Variants in PLD1 observed in about 807,000 individuals in gnomAD.
PLD1 encodes the protein phospholipase D1, also known as choline phosphatase 1.
In PLD1, 112 loss-of-function variants were observed where a neutral mutation model predicts 137.1. The observed-to-expected ratio is 0.82, with a 90% confidence interval of 0.70 to 0.96. The LOEUF is 0.96. Among genes scored for constraint, PLD1 ranks in the 40% least tolerant of loss-of-function variants. The pLI is 0.00. For synonymous variants in PLD1, 431 were observed against 454.7 expected, an observed-to-expected ratio of 0.95 and a Z score of 0.66; for missense variants, 1,321 against 1,342.0, an observed-to-expected ratio of 0.98 and a Z score of 0.24.
chr3:171,773,809 C>T (rs549365012), intron 1 of PLD1, among the ~76,000 whole-genome samples: 5 of 152,080 alleles, frequency 3.3e-5, no homozygotes, highest in African/African-American at 7.2e-5. Context: ...ACTGCAGTGG[C>T]GCTGTCTCGG....
intron 12 of PLD1, among the ~76,000 whole-genome samples, chr3:171,696,312 G>A (rs1454712818): frequency 6.6e-6 from 1 of 151,894 alleles, no homozygotes; most frequent in African/African-American, 2.4e-5. Flanking sequence ...TCTTTGAGTT[G>A]TGAACAGTCT....
At chr3:171,703,193 C>T (rs552715132) in intron 11 of PLD1, among the ~76,000 whole-genome samples, 10 of 152,172 alleles carry the variant, frequency 6.6e-5, no homozygotes, top group South Asian at 2.1e-4. Flanking sequence ...AAAAAACTTC[C>T]GTAGTGTAAT....
At chr3:171,777,023 A>G (rs969182605) in intron 1 of PLD1, among the ~76,000 whole-genome samples, 1 of 152,144 alleles carries the variant, frequency 6.6e-6, no homozygotes. Context: ...TTTACACAAT[A>G]ATGAGAATGT....
chr3:171,645,097 G>T, intron 21 of PLD1, 74 bp from the exon 22 acceptor site: 2 of 933,190 alleles, frequency 2.1e-6, no homozygotes, highest in Non-Finnish European at 3.6e-6. Context: ...CAGCCAAGCA[G>T]TTCACATGGT....
At chr3:171,613,113 T>C (rs1001984968) in intron 24 of PLD1, among the ~76,000 whole-genome samples, 1 of 152,148 alleles carries the variant, frequency 6.6e-6, no homozygotes, top group African/African-American at 2.4e-5. Context: ...AAATTTGCAG[T>C]GGGCTGTAAC....
rs371426651 is a variant in PLD1, at chr3:171,676,771, C to T, written c.2059G>A (p.Gly687Arg). 9 of 1,614,158 alleles carry T rather than the reference C, an allele frequency of 5.6e-6. No homozygotes were observed. The highest frequency in any genetic ancestry group is 2.7e-5 in the African/African-American group (2 of 75,034). The change falls in exon 18 of 27, where the codon GGG (glycine) becomes AGG (arginine). Residue 687 changes from glycine to arginine, a missense_variant. Transcript: ENST00000351298. ...CGTGCCACATCACGAGCCGCCTTCC[C>T]GTGGACTGCAGAGGCAATGTCATGC... ...PWHDIASAVH[G>R]KAARDVARHF...
intron 12 of PLD1, among the ~76,000 whole-genome samples, chr3:171,695,251 T>A (rs550246369): frequency 6.6e-6 from 1 of 152,326 alleles, no homozygotes; most frequent in East Asian, 1.9e-4. Context: ...TGATGTTAAT[T>A]CTGCAATTTA....
At chr3:171,770,736 A>G (rs1275790457) in intron 1 of PLD1, among the ~76,000 whole-genome samples, 1 of 151,826 alleles carries the variant, frequency 6.6e-6, no homozygotes, top group Non-Finnish European at 1.5e-5. Flanking sequence ...TATAAAAAAA[A>G]AAATTAGCTG....
chr3:171,755,073 C>T (rs1358960308), intron 1 of PLD1, among the ~76,000 whole-genome samples: 6 of 152,118 alleles, frequency 3.9e-5, no homozygotes, highest in African/African-American at 1.4e-4. Context: ...CTTTTGCAGT[C>T]ATCTGGAGAA....
chr3:171,748,332 G>A (rs1416425770), intron 1 of PLD1, among the ~76,000 whole-genome samples: 1 of 152,148 alleles, frequency 6.6e-6, no homozygotes, highest in Non-Finnish European at 1.5e-5. Flanking sequence ...AGTTAATATT[G>A]CTAAAAACTG....
chr3:171,646,468 T>G (rs1289338165), intron 21 of PLD1, among the ~76,000 whole-genome samples: 1 of 152,026 alleles, frequency 6.6e-6, no homozygotes, highest in African/African-American at 2.4e-5. Context: ...AACAATGAAA[T>G]TTGGAGGCCT....
At chr3:171,785,968 G>A (rs962035550) in intron 1 of PLD1, among the ~76,000 whole-genome samples, 2 of 152,186 alleles carry the variant, frequency 1.3e-5, no homozygotes, top group African/African-American at 4.8e-5. Context: ...ACTAAACAGT[G>A]CTTACCACAC....
chr3:171,609,775 G>A (rs1732511676), intron 25 of PLD1, among the ~76,000 whole-genome samples: 1 of 152,106 alleles, frequency 6.6e-6, no homozygotes, highest in African/African-American at 2.4e-5. Context: ...TGGAGTGAAG[G>A]ATGAGAAATC....
At chr3:171,630,921 G>A (rs1396123202) in intron 23 of PLD1, among the ~76,000 whole-genome samples, 7 of 150,866 alleles carry the variant, frequency 4.6e-5, no homozygotes, top group East Asian at 2.0e-4. Context: ...GCTAAATGAC[G>A]AGTTAATGGG....
chr3:171,756,669 T>TA (rs1184535704), intron 1 of PLD1, among the ~76,000 whole-genome samples: 2 of 152,232 alleles, frequency 1.3e-5, no homozygotes, highest in African/African-American at 2.4e-5. Context: ...AATAAAAACA[T>TA]ACGATGTAAT....
At position 171,698,329 on chromosome 3, in the gene PLD1, C is replaced by T. The variant is rs367653307; in HGVS notation, c.1227+1416G>A. Among the ~76,000 whole-genome samples, 14 of 152,290 alleles carry T rather than the reference C, an allele frequency of 9.2e-5. No homozygotes were observed. In the East Asian group the frequency reaches 2.7e-3, roughly 29 times the overall value. On this transcript the variant is annotated intron_variant, in intron 12 of 26. Coordinates refer to ENST00000351298, the MANE Select transcript of PLD1 (RefSeq NM_002662.5). ...AATAATGTTTTCAGAATCAAAATGT[C>T]CAATTCTGTAACTGGAATTCTATTG...
intron 9 of PLD1, among the ~76,000 whole-genome samples, chr3:171,712,952 A>G (rs1305319428): frequency 2.0e-5 from 3 of 152,290 alleles, no homozygotes; most frequent in Non-Finnish European, 2.9e-5. Context: ...CATGTAAATC[A>G]GTAAGGGAAT....
intron 23 of PLD1, among the ~76,000 whole-genome samples, chr3:171,622,170 T>C (rs1733694885): frequency 6.6e-6 from 1 of 152,216 alleles, no homozygotes; most frequent in South Asian, 2.1e-4. Flanking sequence ...GCAGGACCTT[T>C]GCTAAAGTAA....
intron 25 of PLD1, among the ~76,000 whole-genome samples, chr3:171,606,912 G>A (rs1245295374): frequency 3.9e-5 from 6 of 152,090 alleles, no homozygotes; most frequent in Non-Finnish European, 8.8e-5. Context: ...CTGGGTCAGA[G>A]AATATTCAAA....
Sources: gnomAD v4.1 joint callset for allele counts (sites outside exome capture counted in the v4.1 genomes callset) on GRCh38, gnomAD v4.1.1 for gene constraint, MANE v1.5 for transcripts, NCBI Gene and HGNC (gene_info 2026-07-23, HGNC 2026-07-21) for gene names.